The following STRN variants were observed in gnomAD, a reference collection of about 807,000 sequenced individuals.
The protein encoded by STRN is protein phosphatase 2 regulatory subunit B'''alpha.
In STRN, 53 loss-of-function variants were observed where a neutral mutation model predicts 96.3. The observed-to-expected ratio is 0.55, with a 90% CI of 0.44 to 0.69. The LOEUF (loss-of-function observed/expected upper bound fraction) is 0.69. STRN is among the 30% of genes least tolerant of loss of function. The pLI is 0.00. For missense variants in STRN, 987 were observed against 963.9 expected (o/e 1.02, Z -0.32); for synonymous variants, 428 against 355.9 (o/e 1.20, Z -2.28).
chr2:36,881,053 A>C (rs1669056081), intron 9 of STRN, among the ~76,000 whole-genome samples: 1 of 151,086 alleles, frequency 6.6e-6, no homozygotes, highest in Non-Finnish European at 1.5e-5. Context: ...TCCTAGCCCT[A>C]ATCAGCTTTT....
intron 12 of STRN, among the ~76,000 whole-genome samples, chr2:36,863,214 G>A (rs1185483357): frequency 6.6e-6 from 1 of 151,046 alleles, no homozygotes; most frequent in Non-Finnish European, 1.5e-5. Context: ...GGTCATTGTT[G>A]CAATTGCTTT....
At chr2:36,964,438 A>G (rs953173057) in intron 1 of STRN, among the ~76,000 whole-genome samples, 4 of 152,196 alleles carry the variant, frequency 2.6e-5, no homozygotes, top group Non-Finnish European at 4.4e-5. Flanking sequence ...CACACCTTTT[A>G]TAGAATGCGC....
At chr2:36,852,934 ATCACT>A in intron 15 of STRN, among the ~76,000 whole-genome samples, 1 of 152,308 alleles carries the variant, frequency 6.6e-6, no homozygotes, top group East Asian at 1.9e-4. Context: ...AGGCAGGCGG[ATCACT>A]TGAGGTCAGG....
intron 6 of STRN, among the ~76,000 whole-genome samples, chr2:36,895,804 G>C (rs970979639): frequency 6.6e-6 from 1 of 151,076 alleles, no homozygotes; most frequent in African/African-American, 2.4e-5. Context: ...GGCACCTGTA[G>C]TCCCAGCTAC....
At chr2:36,854,297 T>A (rs556012128) in intron 15 of STRN, among the ~76,000 whole-genome samples, 108 of 152,302 alleles carry the variant, frequency 7.1e-4, no homozygotes, top group African/African-American at 2.5e-3. Context: ...TGAAAAAAAT[T>A]CTCCTTTTCC....
rs1667993773 is a variant in STRN at position 36,843,402 on chromosome 2, G to C, written c.*6054C>G. 6.6e-6 allele frequency among the ~76,000 whole-genome samples: 1 copy of C among 152,072 alleles called. No homozygotes were observed. The highest frequency in any genetic ancestry group is 2.4e-5 in the African/African-American group (1 of 41,414). On this transcript the variant is annotated 3_prime_UTR_variant, in exon 18 of 18. Coordinates refer to ENST00000263918, the MANE Select transcript of STRN (RefSeq NM_003162.4). The stretch of plus-strand genomic sequence containing the variant: ...AAGGCTTGTGTATGTCTGTTAAGTA[G>C]CGAAACAAAAAATAAAAACATTGTA...
At chr2:36,951,035 T>C (rs1159756598) in intron 1 of STRN, among the ~76,000 whole-genome samples, 1 of 152,170 alleles carries the variant, frequency 6.6e-6, no homozygotes, top group African/African-American at 2.4e-5. Flanking sequence ...TAACTAGATA[T>C]TTAAAATAAG....
chr2:36,867,878 T>C lies in STRN; in HGVS notation c.1500-17A>G, dbSNP rs1256836485. ...GAAGTGCTCCTAAATCAGAGAGAGA[T>C]GACTTTACCATTCTAAGTGTCAGTA... is the stretch of plus-strand genomic sequence containing the variant. On this transcript the variant is annotated splice_polypyrimidine_tract_variant and intron_variant, in intron 11 of 17. Coordinates refer to ENST00000263918, the MANE Select transcript of STRN (RefSeq NM_003162.4). 6.3e-7 allele frequency: 1 copy of C among 1,578,968 alleles called. No individual in the cohort carries two copies. Among genetic ancestry groups the C allele is most frequent in the Non-Finnish European group, 8.6e-7 (1 of 1,165,122 alleles).
chr2:36,859,405 A>T (rs966054384), intron 13 of STRN, among the ~76,000 whole-genome samples: 1 of 152,222 alleles, frequency 6.6e-6, no homozygotes, highest in African/African-American at 2.4e-5. Context: ...GGTAATTAGT[A>T]AGTGGGGACA....
intron 2 of STRN, 105 bp from the exon 3 acceptor site, chr2:36,916,256 A>G: frequency 1.0e-6 from 1 of 954,550 alleles, no homozygotes; most frequent in South Asian, 1.5e-5. Context: ...GAACACTCCT[A>G]GAACTTTCAA....
At chr2:36,885,073 T>C (rs1669184430) in intron 8 of STRN, among the ~76,000 whole-genome samples, 1 of 152,288 alleles carries the variant, frequency 6.6e-6, no homozygotes, top group East Asian at 1.9e-4. Flanking sequence ...AACCATGTGC[T>C]AGATGTCTGA....
Position 36,851,082 on chromosome 2 carries a change from A to C in STRN, c.2004T>G (p.Asn668Lys), listed in dbSNP as rs753573087. The change falls in exon 16 of 18, where the codon AAT (asparagine) becomes AAG (lysine). Residue 668 changes from asparagine (N) to lysine (K), a missense_variant. By Grantham distance (94) the Asn-to-Lys change is moderately conservative. Coordinates refer to ENST00000263918, the MANE Select transcript of STRN (RefSeq NM_003162.4). ...DTTANSSCQI[N>K]RVISHPTLPI... ...GAAGAGTAGGATGACTGATGACTCT[A>C]TTTATTTGGCAGGAAGAGTTGGCTG... 2 of 1,613,584 alleles carry C rather than the reference A, an allele frequency of 1.2e-6. No individual in the cohort carries two copies. Among genetic ancestry groups the C allele is most frequent in the Admixed American group, 1.7e-5 (1 of 59,930 alleles).
At chr2:36,946,899 T>C (rs1349091361) in intron 1 of STRN, among the ~76,000 whole-genome samples, 1 of 151,890 alleles carries the variant, frequency 6.6e-6, no homozygotes, top group Non-Finnish European at 1.5e-5. Context: ...CTTACAAAAA[T>C]TTCTTTTTTT....
chr2:36,896,665 G>A lies in STRN; in HGVS notation c.796-2632C>T, dbSNP rs1254287169. Among the ~76,000 whole-genome samples the A allele has an allele frequency of 2.6e-5, 4 of 152,124 alleles. No homozygotes were observed. In the South Asian group the frequency reaches 6.2e-4, roughly 24 times the overall value. On this transcript the variant is annotated intron_variant, in intron 6 of 17. Coordinates refer to ENST00000263918, the MANE Select transcript of STRN (RefSeq NM_003162.4). Reference sequence around the variant, plus strand: ...GAGGGCCATGACACAAGGGGACGTGGGATTCTTTATACTGTGGCTAAAAAA... The same window carrying A: ...GAGGGCCATGACACAAGGGGACGTGAGATTCTTTATACTGTGGCTAAAAAA...
chr2:36,849,894 C>G (rs763678), intron 16 of STRN, 94 bp from the exon 17 acceptor site: 45,683 of 1,189,236 alleles, frequency 0.038, 1,043 homozygotes, highest in Non-Finnish European at 0.045. Context: ...CCAGTCATCC[C>G]TCTCTGTGTG....
At chr2:36,922,297 C>A (rs573458926) in intron 2 of STRN, among the ~76,000 whole-genome samples, 1 of 151,972 alleles carries the variant, frequency 6.6e-6, no homozygotes, top group Non-Finnish European at 1.5e-5. Flanking sequence ...AGCAGGAGGA[C>A]TGCTTGAGCC....
chr2:36,861,052 A>T, intron 13 of STRN, 80 bp downstream of exon 13: 2 of 1,519,360 alleles, frequency 1.3e-6, no homozygotes, highest in South Asian at 1.3e-5. Flanking sequence ...AAATCTCTTT[A>T]TCTCTTCCTT....
intron 2 of STRN, among the ~76,000 whole-genome samples, chr2:36,921,270 A>G (rs1670247862): frequency 6.6e-6 from 1 of 152,134 alleles, no homozygotes; most frequent in South Asian, 2.1e-4. Flanking sequence ...TCTACTTAGC[A>G]TCTTCAGTTA....
intron 1 of STRN, among the ~76,000 whole-genome samples, chr2:36,944,709 G>C (rs1330282345): frequency 6.6e-6 from 1 of 152,068 alleles, no homozygotes; most frequent in Non-Finnish European, 1.5e-5. Flanking sequence ...TCAATAAATG[G>C]ACAGAAAGAC....
Sources: allele counts gnomAD v4.1 joint callset (sites outside exome capture counted in the v4.1 genomes callset), GRCh38; gene constraint gnomAD v4.1.1; transcripts MANE v1.5; gene names NCBI Gene and HGNC (gene_info 2026-07-23, HGNC 2026-07-21).